The following SMAD3 variants were observed in gnomAD, a reference collection of about 807,000 sequenced individuals.
The protein encoded by SMAD3 is MAD homolog 3.
A neutral mutation model predicts 51.8 loss-of-function variants in SMAD3; 12 were observed. That is an observed-to-expected ratio of 0.23 (90% confidence interval 0.15 to 0.38). The LOEUF (loss-of-function observed/expected upper bound fraction) is 0.38. Ranked by LOEUF, SMAD3 falls within the 10% of genes least tolerant of loss-of-function variation. The probability of loss-of-function intolerance (pLI) is 1.00; values close to 1 mark genes in which losing one functional copy is unlikely to be tolerated. For synonymous variants in SMAD3, 238 were observed against 227.7 expected (o/e 1.05, Z -0.41); for missense variants, 294 against 565.6 (o/e 0.52, Z 4.87).
intron 3 of SMAD3, chr15:67,166,482 C>T: frequency 3.9e-6 from 2 of 510,256 alleles, no homozygotes; most frequent in Non-Finnish European, 7.1e-6. Context: ...GGGCTTAACC[C>T]TCACCTTGAA....
intron 5 of SMAD3, among the ~76,000 whole-genome samples, chr15:67,171,689 C>T (rs901084309): frequency 6.6e-6 from 1 of 152,158 alleles, no homozygotes; most frequent in Non-Finnish European, 1.5e-5. Flanking sequence ...TTAGGAGATG[C>T]TTGAAACCCT....
chr15:67,192,584 C>T lies in SMAD3; in HGVS notation c.*2048C>T. 4.3e-6 allele frequency: 1 copy of T among 233,334 alleles called. No individual in the cohort carries two copies. The highest frequency in any genetic ancestry group is 8.5e-6 in the Non-Finnish European group (1 of 118,004). 14.5% of individuals were successfully genotyped at this position (233,334 alleles called of 1,614,324 possible). A position where few individuals can be genotyped will look rare whatever the true frequency, so the allele number is the denominator to read the frequency against. On this transcript the variant is annotated 3_prime_UTR_variant, in exon 9 of 9. Coordinates refer to ENST00000327367, the MANE Select transcript of SMAD3 (RefSeq NM_005902.4). The stretch of plus-strand genomic sequence containing the variant: ...GCTTCTGCTAGAGCAGTCATGGTTC[C>T]TCTCCTAAAAGCCATGGGCAGCAGT...
chr15:67,143,957 C>T (rs1339155823), intron 1 of SMAD3, among the ~76,000 whole-genome samples: 2 of 151,216 alleles, frequency 1.3e-5, no homozygotes, highest in African/African-American at 2.4e-5. Context: ...GTATGAGCCA[C>T]TGTGCCCTGC....
At chr15:67,148,834 A>G (rs1962047963) in intron 1 of SMAD3, among the ~76,000 whole-genome samples, 1 of 152,240 alleles carries the variant, frequency 6.6e-6, no homozygotes, top group South Asian at 2.1e-4. Context: ...ATCAGCTAAT[A>G]ATTCCATTAC....
At chr15:67,169,053 C>G (rs975197372) in intron 4 of SMAD3, among the ~76,000 whole-genome samples, 1 of 152,206 alleles carries the variant, frequency 6.6e-6, no homozygotes, top group East Asian at 1.9e-4. Context: ...CCAGTGCCTA[C>G]CATGTAGCGG....
chr15:67,119,829 C>T (rs1024459326), intron 1 of SMAD3, among the ~76,000 whole-genome samples: 3 of 152,030 alleles, frequency 2.0e-5, no homozygotes, highest in African/African-American at 7.3e-5. Flanking sequence ...CAGAGTCTCG[C>T]TTTGTCACCC....
intron 1 of SMAD3, among the ~76,000 whole-genome samples, chr15:67,118,705 G>A (rs150804668): frequency 1.3e-5 from 2 of 152,282 alleles, no homozygotes; most frequent in African/African-American, 2.4e-5. Context: ...GTCCTGAGTC[G>A]TGAACATCCC....
At chr15:67,165,425 G>A (rs778964943) in intron 3 of SMAD3, 41 bp downstream of exon 3, 4 of 1,609,828 alleles carry the variant, frequency 2.5e-6, no homozygotes, top group East Asian at 2.2e-5. Flanking sequence ...GGAGGCAGGG[G>A]CAGCGGTCAG....
chr15:67,110,803 C>T (rs539433834), intron 1 of SMAD3, among the ~76,000 whole-genome samples: 4 of 152,138 alleles, frequency 2.6e-5, no homozygotes, highest in African/African-American at 9.7e-5. Flanking sequence ...TTGGAATAAT[C>T]GTAGATACAC....
At position 67,191,299 on chromosome 15, in the gene SMAD3, T is replaced by C. The variant is rs1226481007; in HGVS notation, c.*763T>C. The C allele has an allele frequency of 4.3e-6, 1 of 233,448 alleles. No individual in the cohort carries two copies. The highest frequency in any genetic ancestry group is 8.5e-6 in the Non-Finnish European group (1 of 118,086). The allele number at this position is 233,448 out of a possible 1,614,324, so 14.5% of individuals were successfully genotyped here. A position where few individuals can be genotyped will look rare whatever the true frequency, so the allele number is the denominator to read the frequency against. On this transcript the variant is annotated 3_prime_UTR_variant, in exon 9 of 9. Transcript: ENST00000327367. The stretch of plus-strand genomic sequence containing the variant: ...TGAGGCCCAGTGCATATGCAATGTA[T>C]AGTGTCTATTATCACATTAATCTCA...
In SMAD3 at chr15:67,191,991, G is replaced by C. The variant is rs1479158835; in HGVS notation, c.*1455G>C. The C allele has an allele frequency of 2.2e-5, 5 of 230,398 alleles. No individual in the cohort carries two copies. The highest frequency in any genetic ancestry group is 4.3e-5 in the Non-Finnish European group (5 of 116,100). The allele number at this position is 230,398 out of a possible 1,614,324, so 14.3% of individuals were successfully genotyped here. On this transcript the variant is annotated 3_prime_UTR_variant, in exon 9 of 9. Transcript: ENST00000327367. The stretch of plus-strand genomic sequence containing the variant: ...TCCCAGCCTTTTGCAGAACACAGTA[G>C]ACAGAACTGCCACCTTCAATTGGTA...
intron 1 of SMAD3, among the ~76,000 whole-genome samples, chr15:67,115,834 G>A (rs957925649): frequency 6.6e-6 from 1 of 152,242 alleles, no homozygotes; most frequent in Admixed American, 6.5e-5. Flanking sequence ...TGCATGAGAA[G>A]TCCAGGGAGC....
At chr15:67,183,420 T>TA in intron 6 of SMAD3, among the ~76,000 whole-genome samples, 2 of 136,202 alleles carry the variant, frequency 1.5e-5, no homozygotes, top group Admixed American at 1.6e-4. Flanking sequence ...CTTCTGCTCT[T>TA]ACTGACATGA....
chr15:67,147,876 G>A (rs566477896), intron 1 of SMAD3, among the ~76,000 whole-genome samples: 2 of 152,282 alleles, frequency 1.3e-5, no homozygotes, highest in South Asian at 4.1e-4. Context: ...CTGTTTAGTT[G>A]ATGTTGGCGT....
intron 1 of SMAD3, among the ~76,000 whole-genome samples, chr15:67,139,574 T>C (rs1183008858): frequency 6.6e-6 from 1 of 152,198 alleles, no homozygotes; most frequent in Non-Finnish European, 1.5e-5. Context: ...CTGGGCTGAC[T>C]GGGTGCTAGG....
At chr15:67,078,031 G>A (rs1343179590) in intron 1 of SMAD3, 4 of 152,248 alleles carry the variant, frequency 2.6e-5, no homozygotes, top group African/African-American at 9.7e-5. Flanking sequence ...TTTTCTGCCC[G>A]AGTTATCCAG....
At chr15:67,095,180 A>G (rs1249005464) in intron 1 of SMAD3, among the ~76,000 whole-genome samples, 2 of 152,172 alleles carry the variant, frequency 1.3e-5, no homozygotes, top group Non-Finnish European at 1.5e-5. Flanking sequence ...TGGGTGGACA[A>G]AGGAGCTGTC....
At chr15:67,187,070 C>T in intron 7 of SMAD3, 1 of 574,768 alleles carries the variant, frequency 1.7e-6, no homozygotes, top group East Asian at 3.9e-5. Flanking sequence ...GCCCTCTTTG[C>T]AGACTTCTCC....
chr15:67,164,184 G>A (rs1228605005), intron 1 of SMAD3, among the ~76,000 whole-genome samples: 2 of 150,792 alleles, frequency 1.3e-5, no homozygotes, highest in South Asian at 2.1e-4. Flanking sequence ...GCGTAGTGGC[G>A]GGTGCCTGTG....
Sources: gnomAD v4.1 joint callset for allele counts (sites outside exome capture counted in the v4.1 genomes callset) on GRCh38, gnomAD v4.1.1 for gene constraint, MANE v1.5 for transcripts, NCBI Gene and HGNC (gene_info 2026-07-23, HGNC 2026-07-21) for gene names.